Variants in ENOX1 observed in about 807,000 individuals in gnomAD.
The protein encoded by ENOX1 is ecto-NOX disulfide-thiol exchanger 1.
A neutral mutation model predicts 82.5 loss-of-function variants in ENOX1; 42 were observed. That is an observed-to-expected ratio of 0.51 (90% CI 0.40 to 0.66). ENOX1 has a LOEUF of 0.66. ENOX1 is among the 30% of genes least tolerant of loss of function. The pLI, the probability that ENOX1 is intolerant of heterozygous loss-of-function variation, is 0.00. For synonymous variants in ENOX1, 271 were observed against 282.2 expected (o/e 0.96, Z 0.40); for missense variants, 608 against 811.6 (o/e 0.75, Z 3.05).
intron 2 of ENOX1, among the ~76,000 whole-genome samples, chr13:43,494,963 G>A (rs940401949): frequency 1.3e-5 from 2 of 152,100 alleles, no homozygotes; most frequent in Non-Finnish European, 2.9e-5. Context: ...CCTAGGTGTG[G>A]GGGAGACTGT....
chr13:43,708,275 C>T (rs113255092), intron 1 of ENOX1, among the ~76,000 whole-genome samples: 5 of 152,156 alleles, frequency 3.3e-5, no homozygotes, highest in Admixed American at 6.5e-5. Context: ...CTCCCAAGTG[C>T]GGACAGGCCA....
intron 2 of ENOX1, among the ~76,000 whole-genome samples, chr13:43,624,722 G>A (rs2082891620): frequency 6.6e-6 from 1 of 151,994 alleles, no homozygotes; most frequent in African/African-American, 2.4e-5. Flanking sequence ...ATATTTGTGT[G>A]GGTCTTTACC....
intron 2 of ENOX1, among the ~76,000 whole-genome samples, chr13:43,536,886 A>T (rs1013852145): frequency 6.6e-5 from 10 of 152,222 alleles, no homozygotes; most frequent in African/African-American, 2.4e-4. Flanking sequence ...CATATGGAGG[A>T]TATAAGGTGG....
At position 43,636,345 on chromosome 13, in the gene ENOX1, T is replaced by C. The variant is rs78703683; in HGVS notation, c.-219+31134A>G. 2.6e-4 allele frequency among the ~76,000 whole-genome samples: 40 copies of C among 152,334 alleles called. 1 individual carries two copies. In the East Asian group the frequency reaches 7.7e-3, roughly 29 times the overall value. On this transcript the variant is annotated intron_variant, in intron 2 of 16. Coordinates refer to ENST00000690772, the MANE Select transcript of ENOX1 (RefSeq NM_001347969.2). ...GCATTTAAAGTCTGGTTAATAACTG[T>C]TTCATGGAACCATGGGAAGATAACT...
intron 2 of ENOX1, among the ~76,000 whole-genome samples, chr13:43,630,860 T>C (rs9316047): frequency 0.31 from 45,240 of 147,716 alleles, 8,190 homozygotes; most frequent in South Asian, 0.43. Flanking sequence ...TATATATATA[T>C]ACACACACAC....
chr13:43,368,495 G>A (rs2050999685), intron 5 of ENOX1, among the ~76,000 whole-genome samples: 1 of 152,236 alleles, frequency 6.6e-6, no homozygotes, highest in South Asian at 2.1e-4. Context: ...TGAAAAGCAA[G>A]TGTGTTTTGA....
chr13:43,430,098 T>C (rs1351690487), intron 3 of ENOX1, among the ~76,000 whole-genome samples: 1 of 152,250 alleles, frequency 6.6e-6, no homozygotes, highest in East Asian at 1.9e-4. Context: ...TTTAACTGTG[T>C]AGCATTGATT....
chr13:43,569,479 A>T (rs9533531), intron 2 of ENOX1, among the ~76,000 whole-genome samples: 1 of 152,152 alleles, frequency 6.6e-6, no homozygotes, highest in Non-Finnish European at 1.5e-5. Context: ...TCAGAGACCT[A>T]TGTTCTCTTC....
chr13:43,633,747 A>G (rs1479267147), intron 2 of ENOX1, among the ~76,000 whole-genome samples: 1 of 151,862 alleles, frequency 6.6e-6, no homozygotes, highest in Admixed American at 6.6e-5. Flanking sequence ...ATATGTATAC[A>G]TATATTTAGA....
chr13:43,494,845 T>C (rs74715721), intron 2 of ENOX1, among the ~76,000 whole-genome samples: 2 of 152,038 alleles, frequency 1.3e-5, no homozygotes, highest in African/African-American at 2.4e-5. Flanking sequence ...AGTGGAAATA[T>C]AAAAGTAGGG....
At chr13:43,577,354 A>T (rs1006458243) in intron 2 of ENOX1, among the ~76,000 whole-genome samples, 3 of 151,900 alleles carry the variant, frequency 2.0e-5, no homozygotes, top group African/African-American at 7.3e-5. Flanking sequence ...CTGATCTCAA[A>T]CTCCTGACCT....
rs546839884 is a variant in ENOX1 at position 43,341,503 on chromosome 13, G to T, written c.1036+3035C>A. On this transcript the variant is annotated intron_variant, in intron 9 of 16. Transcript: ENST00000690772. ...AAGGTGGTTTTGATGGGCTCAGGGG[G>T]AAAGGGGCCAGTGGAAATGATGCAT... is the stretch of plus-strand genomic sequence containing the variant. Among the ~76,000 whole-genome samples the T allele has an allele frequency of 1.6e-3, 247 of 152,228 alleles. 11 individuals carry two copies. The South Asian group carries it at 0.05, about 31-fold the overall frequency.
chr13:43,412,003 A>C lies in ENOX1; in HGVS notation c.121T>G (p.Ser41Ala). ...GCCCAGGCTGTGGGATCTGTCACGG[A>C]CATGTTGAGCTGGGTCGTGTCTATC... ...IAIDTTQLNMSVTDPTAWATA... is the reference protein window; with the variant it reads ...IAIDTTQLNMAVTDPTAWATA... Residue 41 changes from serine (S) to alanine (A), a missense_variant, in exon 5 of 17, where the codon TCC (serine) becomes GCC (alanine). Physicochemically the swap from Ser to Ala is moderately conservative, Grantham distance 99. Coordinates refer to ENST00000690772, the MANE Select transcript of ENOX1 (RefSeq NM_001347969.2). 1 of 1,614,180 alleles carries C rather than the reference A, an allele frequency of 6.2e-7. No individual in the cohort carries two copies. Among genetic ancestry groups the C allele is most frequent in the Non-Finnish European group, 8.5e-7 (1 of 1,180,030 alleles).
intron 1 of ENOX1, among the ~76,000 whole-genome samples, chr13:43,710,751 A>C (rs779524398): frequency 7.2e-5 from 11 of 152,180 alleles, no homozygotes; most frequent in Non-Finnish European, 1.6e-4. Context: ...AAAAATAATA[A>C]CAAATTTGAA....
intron 3 of ENOX1, among the ~76,000 whole-genome samples, chr13:43,449,775 T>C (rs2153629819): frequency 6.6e-6 from 1 of 152,256 alleles, no homozygotes; most frequent in African/African-American, 2.4e-5. Context: ...CACTTCCATA[T>C]ATCAAGATTC....
At chr13:43,647,555 T>C (rs1037405102) in intron 2 of ENOX1, among the ~76,000 whole-genome samples, 2 of 152,158 alleles carry the variant, frequency 1.3e-5, no homozygotes, top group Admixed American at 6.6e-5. Context: ...AAATATTTCT[T>C]GTGGAATGAA....
chr13:43,255,626 G>A (rs2043702191), intron 14 of ENOX1, among the ~76,000 whole-genome samples: 1 of 152,004 alleles, frequency 6.6e-6, no homozygotes. Flanking sequence ...ATTTATATAT[G>A]CCAACAGCAA....
intron 3 of ENOX1, among the ~76,000 whole-genome samples, chr13:43,467,488 C>A (rs1167975318): frequency 6.7e-6 from 1 of 148,262 alleles, no homozygotes; most frequent in Non-Finnish European, 1.5e-5. Context: ...TTTATAGTAT[C>A]TTCTTTGGAC....
chr13:43,500,023 T>G (rs925437711), intron 2 of ENOX1, among the ~76,000 whole-genome samples: 2 of 151,906 alleles, frequency 1.3e-5, no homozygotes, highest in Admixed American at 1.3e-4. Flanking sequence ...TTTCGAATTA[T>G]TAAAGAAGAA....
Sources: gnomAD v4.1 joint callset for allele counts (sites outside exome capture counted in the v4.1 genomes callset) on GRCh38, gnomAD v4.1.1 for gene constraint, MANE v1.5 for transcripts, NCBI Gene and HGNC (gene_info 2026-07-23, HGNC 2026-07-21) for gene names.